Variants in OXNAD1 observed in about 807,000 individuals in gnomAD.
OXNAD1 encodes oxidoreductase NAD binding domain containing 1, also known as oxidoreductase NAD-binding domain-containing protein 1.
OXNAD1 carries 34 observed loss-of-function variants against 32.9 expected under a neutral mutation model. That is an observed-to-expected ratio of 1.03 (90% confidence interval 0.79 to 1.38). OXNAD1 has a LOEUF of 1.38. Among genes scored for constraint, OXNAD1 ranks in the 40% most tolerant of loss-of-function variants. OXNAD1 has a pLI of 0.00. For synonymous variants in OXNAD1, 134 were observed against 135.2 expected, an observed-to-expected ratio of 0.99 and a Z score of 0.06; for missense variants, 407 against 379.4, an observed-to-expected ratio of 1.07 and a Z score of -0.60.
At chr3:16,309,007 C>T (rs953271171), downstream of OXNAD1, among the ~76,000 whole-genome samples, 4 of 152,044 alleles carry the variant, frequency 2.6e-5, no homozygotes, top group African/African-American at 9.7e-5. Flanking sequence ...ACGTTCTCTT[C>T]TCCCCCATCC....
intron 9 of OXNAD1, among the ~76,000 whole-genome samples, chr3:16,318,667 A>G (rs1464954272): frequency 6.6e-6 from 1 of 152,254 alleles, no homozygotes; most frequent in Non-Finnish European, 1.5e-5. Context: ...ATGTTCCATT[A>G]AAGTAGAGAA....
At position 16,298,031 on chromosome 3, in the gene OXNAD1, G is replaced by A. The variant is rs1253705468; in HGVS notation, c.432+3034G>A. 8.5e-5 allele frequency among the ~76,000 whole-genome samples: 13 copies of A among 152,084 alleles called. No homozygotes were observed. Among genetic ancestry groups the A allele is most frequent in the Non-Finnish European group, 4.4e-5 (3 of 68,012 alleles). ...AGGAGCAACATAATATATTCTTGTGGTTTACACGTCAAGTTGTGTCTGTCC... is the reference window on the plus strand; with the variant it reads ...AGGAGCAACATAATATATTCTTGTGATTTACACGTCAAGTTGTGTCTGTCC... On this transcript the variant is annotated intron_variant, in intron 6 of 8. Coordinates refer to ENST00000285083, the MANE Select transcript of OXNAD1 (RefSeq NM_138381.5). This position sits in a 1 kb window ranked among gnomAD's most constrained non-coding sequence, Gnocchi z 5.1.
At chr3:16,307,457 T>TAATA (rs2067641258), downstream of OXNAD1, among the ~76,000 whole-genome samples, 1 of 152,208 alleles carries the variant, frequency 6.6e-6, no homozygotes, top group Admixed American at 6.5e-5. Context: ...GTCATGCTGC[T>TAATA]AATAGGACAG....
At chr3:16,324,591 A>G (rs1294908511) in intron 9 of OXNAD1, among the ~76,000 whole-genome samples, 3 of 148,652 alleles carry the variant, frequency 2.0e-5, no homozygotes, top group African/African-American at 7.5e-5. Context: ...TCATCCTTGT[A>G]ATAAATAACA....
At chr3:16,291,017 A>G (rs1012569838) in intron 5 of OXNAD1, among the ~76,000 whole-genome samples, 2 of 152,158 alleles carry the variant, frequency 1.3e-5, no homozygotes, top group Admixed American at 1.3e-4. Flanking sequence ...TTTTCTTGGT[A>G]TGTGACTAGG....
chr3:16,281,421 A>G (rs1329079321), intron 4 of OXNAD1, among the ~76,000 whole-genome samples: 3 of 152,218 alleles, frequency 2.0e-5, no homozygotes, highest in African/African-American at 7.2e-5. Flanking sequence ...TACTGACGTG[A>G]CACTCAAAGG....
rs558496863 is a variant in OXNAD1 at position 16,302,283 on chromosome 3, C to T, written c.676-357C>T. Among the ~76,000 whole-genome samples, 4 of 152,304 alleles carry T rather than the reference C, an allele frequency of 2.6e-5. No homozygotes were observed. The East Asian group carries it at 7.7e-4, about 29-fold the overall frequency. On this transcript the variant is annotated intron_variant, in intron 7 of 8. Coordinates refer to ENST00000285083, the MANE Select transcript of OXNAD1 (RefSeq NM_138381.5). This position sits in a 1 kb window ranked among gnomAD's most constrained non-coding sequence, Gnocchi z 4.2. ...AAGTGCATTTGATGAAGAAAGCTTTCACTGGGGATTGCTTTGCAGCTGCAG... is the reference window on the plus strand; with the variant it reads ...AAGTGCATTTGATGAAGAAAGCTTTTACTGGGGATTGCTTTGCAGCTGCAG...
intron 9 of OXNAD1, chr3:16,326,866 ACTTCGACACC>A: frequency 6.2e-7 from 1 of 1,613,700 alleles, no homozygotes; most frequent in South Asian, 1.1e-5. Context: ...GTCTGTCTGC[ACTTCGACACC>A]CTGGGGGAAC....
Position 16,302,539 on chromosome 3 carries a change from G to C in OXNAD1, c.676-101G>C. The C allele has an allele frequency of 1.3e-6, 1 of 750,406 alleles. No individual in the cohort carries two copies. 46.5% of individuals were successfully genotyped at this position (750,406 alleles called of 1,614,324 possible). A position where few individuals can be genotyped will look rare whatever the true frequency, so the allele number is the denominator to read the frequency against. The stretch of plus-strand genomic sequence containing the variant: ...CTCTAAGTAGAGAGCGAGAGCGGCA[G>C]ACGTGTGCAGAATGGGAGTTGAGGT... On this transcript the variant is annotated intron_variant, in intron 7 of 8. Transcript: ENST00000285083. This position sits in a 1 kb window ranked among gnomAD's most constrained non-coding sequence, Gnocchi z 4.2.
intron 4 of OXNAD1, among the ~76,000 whole-genome samples, chr3:16,273,848 A>G (rs1037639773): frequency 6.6e-6 from 1 of 152,154 alleles, no homozygotes; most frequent in African/African-American, 2.4e-5. Flanking sequence ...AGTCTTTTAC[A>G]TTTTTCAAAT....
chr3:16,332,414 CTTCT>C (rs977443461), intron 9 of OXNAD1, among the ~76,000 whole-genome samples: 6 of 84,276 alleles, frequency 7.1e-5, no homozygotes, highest in Admixed American at 2.5e-4. Flanking sequence ...CTTTTGATTG[CTTCT>C]TTTTTTTTTT....
rs1464183712 is a variant in OXNAD1 at position 16,329,033 on chromosome 3, A to G, written c.*31-8079A>G. ...GTGTTGAAAACTTAATCCCCAATGC[A>G]ATGACATTGAATGGTGAGGCCTGGT... On this transcript the variant is annotated intron_variant, in intron 9 of 9. Coordinates refer to the OXNAD1 transcript ENST00000435829. The surrounding 1 kb of genome is among the most constrained non-coding windows in gnomAD (Gnocchi z 4.5). Among the ~76,000 whole-genome samples the G allele has an allele frequency of 2.6e-5, 4 of 152,250 alleles. No homozygotes were observed. The East Asian group carries it at 5.8e-4, about 22-fold the overall frequency.
intron 9 of OXNAD1, among the ~76,000 whole-genome samples, chr3:16,324,723 G>C (rs1418724129): frequency 7.7e-6 from 1 of 129,710 alleles, no homozygotes; most frequent in African/African-American, 3.0e-5. Flanking sequence ...TCATCCATCT[G>C]ATGAGGGACA....
downstream of OXNAD1, among the ~76,000 whole-genome samples, chr3:16,352,019 ACACT>A (rs1445085968): frequency 6.6e-6 from 1 of 152,258 alleles, no homozygotes; most frequent in African/African-American, 2.4e-5. This position sits in a 1 kb window ranked among gnomAD's most constrained non-coding sequence, Gnocchi z 4.6. Context: ...ACTTCAGCAG[ACACT>A]CAACTCAAAA....
At chr3:16,310,227 A>AACTT (rs2067869536), downstream of OXNAD1, among the ~76,000 whole-genome samples, 1 of 152,340 alleles carries the variant, frequency 6.6e-6, no homozygotes, top group East Asian at 1.9e-4. Context: ...GACAGTTATT[A>AACTT]ACTTACGCAT....
In OXNAD1 at chr3:16,335,301, G is replaced by T. The variant is rs561082630; in HGVS notation, c.*31-1811G>T. 6.6e-6 allele frequency among the ~76,000 whole-genome samples: 1 copy of T among 152,202 alleles called. No homozygotes were observed. Among genetic ancestry groups the T allele is most frequent in the East Asian group, 1.9e-4 (1 of 5,188 alleles). ...GAGGGCTGGATTTCCTTGTGAGGGG[G>T]TGAGCAGAAGATGAACGAAAATGGG... On this transcript the variant is annotated intron_variant, in intron 9 of 9. Transcript: ENST00000435829. This position sits in a 1 kb window ranked among gnomAD's most constrained non-coding sequence, Gnocchi z 4.7.
Position 16,301,797 on chromosome 3 carries a change from AGAAATG to A in OXNAD1, c.607_612del (p.Asn203_Gly204del). 1 of 1,614,142 alleles carries A rather than the reference AGAAATG, an allele frequency of 6.2e-7. No homozygotes were observed. ...TCTCCTCAGAGAGCAGGCAAACAAA[AGAAATG>A]GATATGAGATAGGAACAATAAAACT... is the stretch of plus-strand genomic sequence containing the variant. On this transcript the variant is annotated inframe_deletion, in exon 7 of 9. Transcript: ENST00000285083. The surrounding 1 kb of genome is among the most constrained non-coding windows in gnomAD (Gnocchi z 4.1).
At chr3:16,300,960 A>G (rs1027144736) in intron 6 of OXNAD1, among the ~76,000 whole-genome samples, 2 of 152,108 alleles carry the variant, frequency 1.3e-5, no homozygotes, top group African/African-American at 2.4e-5. Flanking sequence ...AGTACATTCA[A>G]CTCTGATGGT....
At chr3:16,342,121 A>G (rs1223437181), downstream of OXNAD1, among the ~76,000 whole-genome samples, 25 of 152,214 alleles carry the variant, frequency 1.6e-4, no homozygotes, top group Non-Finnish European at 3.7e-4. The surrounding 1 kb of genome is among the most constrained non-coding windows in gnomAD (Gnocchi z 4.0). Flanking sequence ...GAGTTATACA[A>G]CCATCACCAC....
Sources: allele counts gnomAD v4.1 joint callset (sites outside exome capture counted in the v4.1 genomes callset), GRCh38; gene constraint gnomAD v4.1.1; non-coding constraint Gnocchi (gnomAD v3.1); transcripts MANE v1.5; gene names NCBI Gene and HGNC (gene_info 2026-07-23, HGNC 2026-07-21).